The following DGKH variants were observed in gnomAD, a reference collection of about 807,000 sequenced individuals.
DGKH encodes diacylglycerol kinase eta, also known as DAG kinase eta.
DGKH carries 90 observed loss-of-function variants against 159.3 expected under a neutral mutation model. That is an observed-to-expected ratio of 0.57 (90% CI 0.48 to 0.67). The LOEUF is 0.67. Ranked by LOEUF, DGKH falls within the 30% of genes least tolerant of loss-of-function variation. The pLI is 0.00. For synonymous variants in DGKH, 536 were observed against 553.8 expected, an observed-to-expected ratio of 0.97 and a Z score of 0.45; for missense variants, 1,181 against 1,506.1, an observed-to-expected ratio of 0.78 and a Z score of 3.57.
chr13:42,229,024 AT>A, intron 29 of DGKH, 74 bp from the exon 30 acceptor site: 1 of 1,321,648 alleles, frequency 7.6e-7, no homozygotes, highest in Non-Finnish European at 1.0e-6. Context: ...CTTTTCTTTC[AT>A]TTTTAAAATT....
At chr13:42,109,454 G>A (rs781420662) in intron 1 of DGKH, among the ~76,000 whole-genome samples, 5 of 152,176 alleles carry the variant, frequency 3.3e-5, no homozygotes, top group African/African-American at 9.7e-5. Context: ...ACACCACAAC[G>A]CAAAGGTGGA....
chr13:42,141,139 G>A, intron 3 of DGKH, among the ~76,000 whole-genome samples: 1 of 148,492 alleles, frequency 6.7e-6, no homozygotes. Flanking sequence ...ACCTATGAGT[G>A]AGAACATGCA....
At chr13:42,207,062 C>CTTCTTTCTTTCTTTCT (rs760771890) in intron 21 of DGKH, among the ~76,000 whole-genome samples, 21 of 65,378 alleles carry the variant, frequency 3.2e-4, no homozygotes, top group African/African-American at 6.4e-4. Flanking sequence ...TCTTTCCTTC[C>CTTCTTTCTTTCTTTCT]TTCTTTCTTT....
At chr13:42,205,267 A>G (rs1054634868) in intron 20 of DGKH, among the ~76,000 whole-genome samples, 1 of 152,288 alleles carries the variant, frequency 6.6e-6, no homozygotes, top group African/African-American at 2.4e-5. Flanking sequence ...ATTTTTCTTG[A>G]GTAATTTTTA....
chr13:42,115,567 TA>T (rs1455021060), intron 1 of DGKH, among the ~76,000 whole-genome samples: 1 of 152,124 alleles, frequency 6.6e-6, no homozygotes, highest in Non-Finnish European at 1.5e-5. Flanking sequence ...TGGAGGACGA[TA>T]TTGAGTAGAA....
intron 14 of DGKH, among the ~76,000 whole-genome samples, chr13:42,187,983 A>C (rs1277690229): frequency 6.6e-6 from 1 of 152,224 alleles, no homozygotes; most frequent in Non-Finnish European, 1.5e-5. Context: ...TTCTTACAAA[A>C]GGCTTGAGTA....
At chr13:42,130,636 C>A (rs1955270902) in intron 3 of DGKH, among the ~76,000 whole-genome samples, 2 of 152,102 alleles carry the variant, frequency 1.3e-5, no homozygotes, top group South Asian at 4.1e-4. Context: ...AGTGTCCATC[C>A]CCTAGGCATG....
At chr13:42,163,867 T>G (rs1030090015) in intron 7 of DGKH, among the ~76,000 whole-genome samples, 1 of 152,164 alleles carries the variant, frequency 6.6e-6, no homozygotes, top group Non-Finnish European at 1.5e-5. Flanking sequence ...TTTAGTTTAA[T>G]TAGATCCCAT....
At chr13:42,091,447 ACTC>A (rs1225290655) in intron 1 of DGKH, among the ~76,000 whole-genome samples, 1 of 152,170 alleles carries the variant, frequency 6.6e-6, no homozygotes, top group East Asian at 1.9e-4. Flanking sequence ...AATGAAAAGA[ACTC>A]CTACAATTCA....
intron 25 of DGKH, 56 bp from the exon 26 acceptor site, chr13:42,215,519 G>A: frequency 2.3e-6 from 3 of 1,286,160 alleles, no homozygotes; most frequent in Non-Finnish European, 3.2e-6. Context: ...AGTGTTTATG[G>A]TAATGAAATC....
intron 1 of DGKH, chr13:42,068,916 A>G: frequency 1.6e-6 from 2 of 1,236,150 alleles, no homozygotes; most frequent in South Asian, 1.9e-5. Context: ...ACAAAGATAA[A>G]TGTCTGCTGA....
At chr13:42,133,350 G>A (rs1955331509) in intron 3 of DGKH, among the ~76,000 whole-genome samples, 1 of 152,062 alleles carries the variant, frequency 6.6e-6, no homozygotes, top group East Asian at 1.9e-4. Flanking sequence ...ATATTTTGAA[G>A]AAGTTTCTTC....
intron 29 of DGKH, among the ~76,000 whole-genome samples, chr13:42,251,393 T>C (rs1220987757): frequency 6.6e-6 from 1 of 152,190 alleles, no homozygotes; most frequent in Non-Finnish European, 1.5e-5. Flanking sequence ...GGAGGATCAA[T>C]TGAGTCCCTG....
chr13:42,209,527 T>TA (rs11303319), intron 23 of DGKH, 62 bp downstream of exon 23: 4 of 1,454,470 alleles, frequency 2.8e-6, no homozygotes, highest in Non-Finnish European at 2.7e-6. Flanking sequence ...GAAATTGTTA[T>TA]AAAAAAATAG....
At chr13:42,059,554 A>G (rs1881995140) in intron 1 of DGKH, among the ~76,000 whole-genome samples, 1 of 151,958 alleles carries the variant, frequency 6.6e-6, no homozygotes, top group African/African-American at 2.4e-5. Context: ...CTGGCCTTCA[A>G]GTGTCTTATG....
chr13:42,149,895 A>G (rs1390296995), intron 3 of DGKH, among the ~76,000 whole-genome samples: 1 of 152,222 alleles, frequency 6.6e-6, no homozygotes, highest in East Asian at 1.9e-4. Context: ...TATTGAACTC[A>G]CAAGGAGCTC....
chr13:42,061,714 C>A (rs1191750360), intron 1 of DGKH, among the ~76,000 whole-genome samples: 1 of 152,114 alleles, frequency 6.6e-6, no homozygotes. Flanking sequence ...TTAGACTTTG[C>A]CCATTACTGG....
chr13:42,068,891 A>G, intron 1 of DGKH: 1 of 1,004,386 alleles, frequency 1.0e-6, no homozygotes, highest in Non-Finnish European at 1.4e-6. Context: ...AAGACAAAAT[A>G]CATTTCATAA....
At chr13:42,247,495 T>C (rs561915895), downstream of DGKH, among the ~76,000 whole-genome samples, 63 of 152,246 alleles carry the variant, frequency 4.1e-4, no homozygotes, top group South Asian at 0.012. Flanking sequence ...CCTCCCAAAG[T>C]GCTGGGATTA....
Sources: gnomAD v4.1 joint callset for allele counts (sites outside exome capture counted in the v4.1 genomes callset) on GRCh38, gnomAD v4.1.1 for gene constraint, MANE v1.5 for transcripts, NCBI Gene and HGNC (gene_info 2026-07-23, HGNC 2026-07-21) for gene names.